MYO7B: variants seen among roughly 807,000 people sequenced by gnomAD.
MYO7B encodes myosin VIIB.
In MYO7B, 212 loss-of-function variants were observed where a neutral mutation model predicts 259.7. That is an observed-to-expected ratio of 0.82 (90% CI 0.73 to 0.91). The LOEUF is 0.91. Ranked by LOEUF, MYO7B falls within the 40% of genes least tolerant of loss-of-function variation. The pLI is 0.00. For missense variants in MYO7B, 2,732 were observed against 2,813.5 expected (o/e 0.97, Z 0.66); for synonymous variants, 1,197 against 1,166.4 (o/e 1.03, Z -0.54).
chr2:127,581,204 G>A (rs928423042), intron 10 of MYO7B, among the ~76,000 whole-genome samples: 3 of 152,118 alleles, frequency 2.0e-5, no homozygotes, highest in African/African-American at 4.8e-5. Context: ...GGGCTTCTCC[G>A]GGGCTTGCAC....
In MYO7B at chr2:127,636,176, C is replaced by T. The variant is rs1356571814; in HGVS notation, c.6007-32C>T. 1 of 1,576,654 alleles carries T rather than the reference C, an allele frequency of 6.3e-7. No homozygotes were observed. The highest frequency in any genetic ancestry group is 1.7e-5 in the Admixed American group (1 of 59,342). On this transcript the variant is annotated intron_variant, in intron 44 of 47. Transcript: ENST00000409816. This position sits in a 1 kb window ranked among gnomAD's most constrained non-coding sequence, Gnocchi z 4.5. ...CAGGGCTTTGGAGGGCCTCTGGGCACCCAAGTCCTTACTGGCCCTCCTGTC... is the reference window on the plus strand; with the variant it reads ...CAGGGCTTTGGAGGGCCTCTGGGCATCCAAGTCCTTACTGGCCCTCCTGTC...
Position 127,576,577 on chromosome 2 carries a change from G to A in MYO7B, c.736-18G>A. On this transcript the variant is annotated intron_variant, in intron 7 of 47. Transcript: ENST00000409816. The surrounding 1 kb of genome is among the most constrained non-coding windows in gnomAD (Gnocchi z 4.9). ...AATGGCTCATGAATCTGTCTGGAAT[G>A]CCCTCCCTCCCTCCCAGGCTCCCGA... is the stretch of plus-strand genomic sequence containing the variant. 3 of 1,472,314 alleles carry A rather than the reference G, an allele frequency of 2.0e-6. No homozygotes were observed. The highest frequency in any genetic ancestry group is 1.9e-6 in the Non-Finnish European group (2 of 1,062,634). 91.2% of individuals were successfully genotyped at this position (1,472,314 alleles called of 1,614,324 possible).
At chr2:127,620,589 G>C in intron 27 of MYO7B, 123 bp downstream of exon 27, 1 of 1,194,608 alleles carries the variant, frequency 8.4e-7, no homozygotes, top group Non-Finnish European at 1.1e-6. Flanking sequence ...GCTCCTGCAG[G>C]CCAGATGGGC....
chr2:127,540,533 T>C (rs1184709096), intron 1 of MYO7B, among the ~76,000 whole-genome samples: 2 of 152,236 alleles, frequency 1.3e-5, no homozygotes, highest in Non-Finnish European at 2.9e-5. Flanking sequence ...TGTAGTTCTT[T>C]AAGGAATATC....
chr2:127,637,072 G>A lies in MYO7B; in HGVS notation c.6327+159G>A, dbSNP rs773051978. 3 of 1,327,428 alleles carry A rather than the reference G, an allele frequency of 2.3e-6. No individual in the cohort carries two copies. In the South Asian group the frequency reaches 3.8e-5, roughly 17 times the overall value. 82.2% of individuals were successfully genotyped at this position (1,327,428 alleles called of 1,614,324 possible). Reference sequence around the variant, plus strand: ...TGGAGAGGGCCTGGGTGCATCCCCAGGACCAGCAGCCAAGGTGGCAAGGCC... The same window carrying A: ...TGGAGAGGGCCTGGGTGCATCCCCAAGACCAGCAGCCAAGGTGGCAAGGCC... On this transcript the variant is annotated intron_variant, in intron 47 of 47. Transcript: ENST00000409816.
At chr2:127,568,980 G>A (rs972209632) in intron 5 of MYO7B, among the ~76,000 whole-genome samples, 4 of 152,016 alleles carry the variant, frequency 2.6e-5, no homozygotes, top group Non-Finnish European at 5.9e-5. Context: ...GGCCGAGGCG[G>A]GCAGATCATC....
Position 127,592,798 on chromosome 2 carries a change from T to A in MYO7B, c.1997T>A (p.Phe666Tyr). The A allele has an allele frequency of 6.2e-7, 1 of 1,609,692 alleles. No individual in the cohort carries two copies. The highest frequency in any genetic ancestry group is 8.5e-7 in the Non-Finnish European group (1 of 1,178,670). ...KPNEYKKPLL[F>Y]DRELCLRQLR... ...GCGCCCGGTGTCCGCCCACAGCTGT[T>A]CGACCGGGAGCTGTGCCTGCGGCAG... Residue 666 changes from phenylalanine (F) to tyrosine (Y), a missense_variant, in exon 17 of 48, where the codon TTC (phenylalanine) becomes TAC (tyrosine). Phe to Tyr is a conservative substitution (Grantham distance 22). Transcript: ENST00000409816.
chr2:127,565,170 T>C, intron 3 of MYO7B, 63 bp from the exon 4 acceptor site: 1 of 1,553,616 alleles, frequency 6.4e-7, no homozygotes, highest in Non-Finnish European at 8.7e-7. Flanking sequence ...GAGGGGAGGG[T>C]GTGGCAGGCT....
chr2:127,603,588 C>G (rs1362369272), intron 19 of MYO7B, among the ~76,000 whole-genome samples: 5 of 152,184 alleles, frequency 3.3e-5, no homozygotes. Flanking sequence ...GTGCTGTCAC[C>G]CAGGCTTTGT....
chr2:127,620,477 T>A lies in MYO7B; in HGVS notation c.3525+11T>A. On this transcript the variant is annotated intron_variant, in intron 27 of 47. Transcript: ENST00000409816. ...GAGAGGTTCATGAAGGTGAGAGGGT[T>A]CATGAAGGGAGGGCGGGCAGGGGGC... is the stretch of plus-strand genomic sequence containing the variant. The A allele has an allele frequency of 1.2e-6, 1 of 849,252 alleles. No homozygotes were observed. The highest frequency in any genetic ancestry group is 1.8e-6 in the Non-Finnish European group (1 of 562,104). The allele number at this position is 849,252 out of a possible 1,614,324, so 52.6% of individuals were successfully genotyped here.
At chr2:127,610,257 G>A (rs1387477009) in intron 24 of MYO7B, among the ~76,000 whole-genome samples, 2 of 152,272 alleles carry the variant, frequency 1.3e-5, no homozygotes, top group Non-Finnish European at 2.9e-5. Flanking sequence ...CGGAGAGGGT[G>A]CCCTGGACTC....
intron 19 of MYO7B, among the ~76,000 whole-genome samples, chr2:127,603,525 G>A (rs987850344): frequency 1.3e-5 from 2 of 152,196 alleles, no homozygotes; most frequent in African/African-American, 4.8e-5. Flanking sequence ...TTTCTGAGCA[G>A]TAGGTCTCAA....
At position 127,593,034 on chromosome 2, in the gene MYO7B, C is replaced by G. The variant is rs112864216; in HGVS notation, c.2145+88C>G. 2,862 of 1,467,370 alleles carry G rather than the reference C, an allele frequency of 2.0e-3. 48 individuals are homozygous for G. The African/African-American group carries it at 0.036, about 18-fold the overall frequency. 90.9% of individuals were successfully genotyped at this position (1,467,370 alleles called of 1,614,324 possible). ...CTCCAGCCCCCAGTACCGAGGGGGTCTCCCGCTGCCCTCCCCGGCCCCAGC... is the reference window on the plus strand; with the variant it reads ...CTCCAGCCCCCAGTACCGAGGGGGTGTCCCGCTGCCCTCCCCGGCCCCAGC... On this transcript the variant is annotated intron_variant, in intron 17 of 47. Coordinates refer to ENST00000409816, the MANE Select transcript of MYO7B (RefSeq NM_001393586.1).
intron 26 of MYO7B, among the ~76,000 whole-genome samples, chr2:127,617,740 G>A (rs1331733573): frequency 2.0e-5 from 3 of 149,902 alleles, no homozygotes; most frequent in Non-Finnish European, 4.4e-5. Flanking sequence ...CTGACCTCAT[G>A]ATCCACCCGC....
chr2:127,636,400 A>G lies in MYO7B; in HGVS notation c.6123+76A>G, dbSNP rs1374843705. Reference sequence around the variant, plus strand: ...CCCAGCCCCAGCAGGCCCAGCGTCAACCAGCACACATCTTGGGTGGGGCTG... The same window carrying G: ...CCCAGCCCCAGCAGGCCCAGCGTCAGCCAGCACACATCTTGGGTGGGGCTG... On this transcript the variant is annotated intron_variant, in intron 45 of 47. Coordinates refer to ENST00000409816, the MANE Select transcript of MYO7B (RefSeq NM_001393586.1). The surrounding 1 kb of genome is among the most constrained non-coding windows in gnomAD (Gnocchi z 4.5). The G allele has an allele frequency of 1.4e-6, 2 of 1,476,010 alleles. No individual in the cohort carries two copies. The highest frequency in any genetic ancestry group is 1.9e-6 in the Non-Finnish European group (2 of 1,060,798). The allele number at this position is 1,476,010 out of a possible 1,614,324, so 91.4% of individuals were successfully genotyped here.
At chr2:127,635,629 A>C in intron 43 of MYO7B, 93 bp from the exon 44 acceptor site, 2 of 1,353,858 alleles carry the variant, frequency 1.5e-6, no homozygotes. Flanking sequence ...GAGTGGGCTA[A>C]GCCCCAGTTC....
chr2:127,584,049 A>G lies in MYO7B; in HGVS notation c.1344-73A>G. The G allele has an allele frequency of 2.9e-6, 4 of 1,401,230 alleles. No homozygotes were observed. Among genetic ancestry groups the G allele is most frequent in the Middle Eastern group, 1.9e-4 (1 of 5,150 alleles). The allele number at this position is 1,401,230 out of a possible 1,614,324, so 86.8% of individuals were successfully genotyped here. On this transcript the variant is annotated intron_variant, in intron 12 of 47. Transcript: ENST00000409816. The surrounding 1 kb of genome is among the most constrained non-coding windows in gnomAD (Gnocchi z 5.8). ...CTGTTTGCAGATGGCTGGTGATCCT[A>G]TGGCTCCAGCCTGCTGCAGCGGGGA...
At position 127,540,174 on chromosome 2, in the gene MYO7B, T is replaced by TA. The variant is rs1169386125; in HGVS notation, c.-24+4343_-24+4344insA. On this transcript the variant is annotated intron_variant, in intron 1 of 47. Coordinates refer to ENST00000409816, the MANE Select transcript of MYO7B (RefSeq NM_001393586.1). ...AATTGTCTTTTTCTGGTTTTATTTTTTTTTTTTGAGATGGAGTCTCGCCCT... is the reference window on the plus strand; with the variant it reads ...AATTGTCTTTTTCTGGTTTTATTTTTATTTTTTTGAGATGGAGTCTCGCCCT... Among the ~76,000 whole-genome samples, 6 of 151,836 alleles carry TA rather than the reference T, an allele frequency of 4.0e-5. No individual in the cohort carries two copies. In the East Asian group the frequency reaches 7.7e-4, roughly 20 times the overall value.
rs1218286870 is a variant in MYO7B at position 127,546,945 on chromosome 2, G to A, written c.-24+11114G>A. On this transcript the variant is annotated intron_variant, in intron 1 of 47. Coordinates refer to ENST00000409816, the MANE Select transcript of MYO7B (RefSeq NM_001393586.1). The surrounding 1 kb of genome is among the most constrained non-coding windows in gnomAD (Gnocchi z 4.2). ...TCACCCACTCATTCAACCACTAATC[G>A]ACTCATCCATCCATCCATCCACCAA... Among the ~76,000 whole-genome samples the A allele has an allele frequency of 4.0e-5, 6 of 149,228 alleles. No homozygotes were observed. The East Asian group carries it at 7.9e-4, about 20-fold the overall frequency.
Sources: gnomAD v4.1 joint callset for allele counts (sites outside exome capture counted in the v4.1 genomes callset) on GRCh38, gnomAD v4.1.1 for gene constraint, Gnocchi (gnomAD v3.1) non-coding constraint, MANE v1.5 for transcripts, NCBI Gene and HGNC (gene_info 2026-07-23, HGNC 2026-07-21) for gene names.